The following PCDH11X variants were observed in gnomAD, a reference collection of about 807,000 sequenced individuals.
The protein encoded by PCDH11X is protocadherin 11 X-linked, also known as protocadherin-11 X-linked.
A neutral mutation model predicts 53.3 loss-of-function variants in PCDH11X; 18 were observed. That is an observed-to-expected ratio of 0.34 (90% confidence interval 0.23 to 0.50). The LOEUF is 0.50. PCDH11X is among the 20% of genes least tolerant of loss of function. The pLI, the probability that PCDH11X is intolerant of heterozygous loss-of-function variation, is 0.98. For synonymous variants in PCDH11X, 279 were observed against 393.3 expected (o/e 0.71, Z 3.44); for missense variants, 570 against 1,032.4 (o/e 0.55, Z 6.14).
chrX:92,093,230 T>A (rs992154795), intron 6 of PCDH11X, among the ~76,000 whole-genome samples: 2 of 111,800 alleles, frequency 1.8e-5, no homozygotes, highest in Admixed American at 1.9e-4. Context: ...TATAGAGAAA[T>A]GTGACTATTG....
At chrX:91,949,789 T>C (rs1446851273) in intron 6 of PCDH11X, among the ~76,000 whole-genome samples, 1 of 109,774 alleles carries the variant, frequency 9.1e-6, no homozygotes, top group African/African-American at 3.3e-5. Flanking sequence ...AGATACAAAC[T>C]ATAATTATTT....
intron 6 of PCDH11X, among the ~76,000 whole-genome samples, chrX:91,886,817 A>G (rs969786898): frequency 1.8e-4 from 19 of 108,328 alleles, no homozygotes; most frequent in Non-Finnish European, 3.1e-4. Flanking sequence ...TAAAAATACA[A>G]AAAATTAGCT....
At chrX:91,828,206 G>A (rs1936984826) in intron 4 of PCDH11X, among the ~76,000 whole-genome samples, 2 of 101,819 alleles carry the variant, frequency 2.0e-5, no homozygotes, top group South Asian at 4.6e-4. Flanking sequence ...TGCAAGCTCC[G>A]CCTCCCGGGT....
chrX:92,472,803 C>T (rs1164451654), intron 10 of PCDH11X, among the ~76,000 whole-genome samples: 1 of 110,505 alleles, frequency 9.0e-6, no homozygotes, highest in East Asian at 2.8e-4. Context: ...TTCTCTGAGC[C>T]ATGGCTTGTA....
intron 6 of PCDH11X, among the ~76,000 whole-genome samples, chrX:92,156,658 T>A (rs1450301303): frequency 1.8e-5 from 2 of 112,223 alleles, no homozygotes; most frequent in African/African-American, 6.5e-5. Context: ...ACTCAATAAA[T>A]GAATGAAGGA....
chrX:92,019,909 G>C (rs1369471136), intron 6 of PCDH11X, among the ~76,000 whole-genome samples: 3 of 111,532 alleles, frequency 2.7e-5, no homozygotes, highest in African/African-American at 9.8e-5. Flanking sequence ...AGCTGGCGTG[G>C]TCCATGGAGA....
In PCDH11X at chrX:92,215,116, G is replaced by C. The variant is rs772003821; in HGVS notation, c.3114+13661G>C. On this transcript the variant is annotated intron_variant, in intron 7 of 10. Coordinates refer to ENST00000682573, the MANE Select transcript of PCDH11X (RefSeq NM_032968.5). Reference sequence around the variant, plus strand: ...ACAGCTCCGGTCTACAGCTCCCAGCGTGAGCGACGCAGAAGACGGGTGATT... The same window carrying C: ...ACAGCTCCGGTCTACAGCTCCCAGCCTGAGCGACGCAGAAGACGGGTGATT... Among the ~76,000 whole-genome samples, 12 of 111,314 alleles carry C rather than the reference G, an allele frequency of 1.1e-4. No individual in the cohort carries two copies. In the South Asian group the frequency reaches 3.8e-3, roughly 35 times the overall value.
At chrX:91,820,840 G>C (rs1300834973) in intron 4 of PCDH11X, among the ~76,000 whole-genome samples, 6 of 101,250 alleles carry the variant, frequency 5.9e-5, no homozygotes, top group Non-Finnish European at 1.1e-4. Flanking sequence ...ATCTTGAATT[G>C]ATTTTTATAT....
At chrX:92,047,030 G>A (rs1361532381) in intron 6 of PCDH11X, among the ~76,000 whole-genome samples, 1 of 86,242 alleles carries the variant, frequency 1.2e-5, no homozygotes, top group African/African-American at 5.6e-5. Flanking sequence ...ATGCTTACAT[G>A]AAAAAATAAA....
intron 6 of PCDH11X, among the ~76,000 whole-genome samples, chrX:92,021,684 C>T (rs2062886984): frequency 9.8e-6 from 1 of 101,977 alleles, no homozygotes; most frequent in South Asian, 5.1e-4. Flanking sequence ...CACTAAGATA[C>T]TCCATGAGAA....
chrX:92,612,593 AT>A (rs1162741520), intron 10 of PCDH11X, among the ~76,000 whole-genome samples: 2 of 105,628 alleles, frequency 1.9e-5, no homozygotes, highest in African/African-American at 6.9e-5. Flanking sequence ...CTGTATATAC[AT>A]GTATATTGGG....
intron 6 of PCDH11X, among the ~76,000 whole-genome samples, chrX:91,979,762 A>AAAAT (rs1287294715): frequency 2.5e-5 from 1 of 39,607 alleles, no homozygotes; most frequent in African/African-American, 1.0e-4. Flanking sequence ...ATTTAAAAGC[A>AAAAT]AAATATTGAA....
chrX:92,066,970 G>A (rs1349645955), intron 6 of PCDH11X, among the ~76,000 whole-genome samples: 4 of 111,537 alleles, frequency 3.6e-5, no homozygotes, highest in African/African-American at 9.8e-5. Context: ...TGGGCATGGT[G>A]GTGCATGCCT....
chrX:92,403,031 G>C (rs1403122789), intron 9 of PCDH11X, among the ~76,000 whole-genome samples: 2 of 108,352 alleles, frequency 1.8e-5, no homozygotes, highest in South Asian at 4.0e-4. Flanking sequence ...AATTGAAGAT[G>C]AATAGTGCAT....
At chrX:91,951,896 G>A (rs1347363310) in intron 6 of PCDH11X, among the ~76,000 whole-genome samples, 1 of 111,625 alleles carries the variant, frequency 9.0e-6, no homozygotes, top group African/African-American at 3.2e-5. Flanking sequence ...GCCTGCTGAA[G>A]TTGTAGAGTA....
At chrX:92,564,585 A>G (rs1484217634) in intron 10 of PCDH11X, among the ~76,000 whole-genome samples, 2 of 109,928 alleles carry the variant, frequency 1.8e-5, no homozygotes, top group East Asian at 5.7e-4. Context: ...ATAAAACTAG[A>G]CCCCTATCTC....
rs771823629 is a variant in PCDH11X, at chrX:92,111,219, T to TAAAAAAAAAAAAAAAAAAAAAAAAAAA, written c.3034-90150_3034-90124dup. Among the ~76,000 whole-genome samples, 4 of 19,815 alleles carry TAAAAAAAAAAAAAAAAAAAAAAAAAAA rather than the reference T, an allele frequency of 2.0e-4. 1 individual carries two copies. In the Admixed American group the frequency reaches 4.1e-3, roughly 20 times the overall value. The allele number at this position is 19,815 out of a possible 115,157, so 17.2% of individuals were successfully genotyped here. The stretch of plus-strand genomic sequence containing the variant: ...GAGCTGGATTTGAATCACCTAACGC[T>TAAAAAAAAAAAAAAAAAAAAAAAAAAA]AAAAAAAAAAAAAAAAAAAAAAAAA... On this transcript the variant is annotated intron_variant, in intron 6 of 10. Coordinates refer to ENST00000682573, the MANE Select transcript of PCDH11X (RefSeq NM_032968.5).
chrX:92,020,576 C>T (rs1361278516), intron 6 of PCDH11X, among the ~76,000 whole-genome samples: 1 of 111,782 alleles, frequency 8.9e-6, no homozygotes. Context: ...GAGGGGTGGC[C>T]TCAGTCTCTG....
At chrX:92,568,955 C>G (rs947610360) in intron 10 of PCDH11X, among the ~76,000 whole-genome samples, 1 of 111,647 alleles carries the variant, frequency 9.0e-6, no homozygotes, top group Non-Finnish European at 1.9e-5. Flanking sequence ...TTTTAAAGTT[C>G]AATTCTCTCT....
Sources: gnomAD v4.1 joint callset for allele counts (sites outside exome capture counted in the v4.1 genomes callset) on GRCh38, gnomAD v4.1.1 for gene constraint, MANE v1.5 for transcripts, NCBI Gene and HGNC (gene_info 2026-07-23, HGNC 2026-07-21) for gene names.